The following PSG9 variants were observed in gnomAD, a reference collection of about 807,000 sequenced individuals.
The protein encoded by PSG9 is pregnancy-specific beta-1-glycoprotein 9.
PSG9 carries 49 observed loss-of-function variants against 41.9 expected under a neutral mutation model. The observed-to-expected ratio is 1.17, with a 90% CI of 0.93 to 1.48. PSG9 has a LOEUF of 1.48. Among genes scored for constraint, PSG9 ranks in the 40% most tolerant of loss-of-function variants. PSG9 has a pLI of 0.00. For synonymous variants in PSG9, 263 were observed against 196.8 expected, an observed-to-expected ratio of 1.34 and a Z score of -2.82; for missense variants, 641 against 520.3, an observed-to-expected ratio of 1.23 and a Z score of -2.26.
intron 1 of PSG9, 115 bp from the exon 2 acceptor site, chr19:43,268,264 G>C: frequency 7.3e-7 from 1 of 1,367,206 alleles, no homozygotes; most frequent in Non-Finnish European, 9.9e-7. Flanking sequence ...ATACACACAC[G>C]CACACATACA....
chr19:43,254,815 CA>C (rs1297283777), intron 5 of PSG9, among the ~76,000 whole-genome samples: 1 of 145,538 alleles, frequency 6.9e-6, no homozygotes, highest in East Asian at 2.4e-4. Flanking sequence ...GGACTCTGAG[CA>C]TGGTGGGTCA....
Position 43,258,183 on chromosome 19 carries a change from G to A in PSG9, c.1243+19C>T. On this transcript the variant is annotated intron_variant, in intron 5 of 5. Coordinates refer to ENST00000270077, the MANE Select transcript of PSG9 (RefSeq NM_002784.5). The stretch of plus-strand genomic sequence containing the variant: ...CTCCACATAAAACCCTACTGCCAAG[G>A]ATGCTGGGATCCACTTACCAGAGAC... 6.3e-7 allele frequency: 1 copy of A among 1,592,552 alleles called. No individual in the cohort carries two copies. Among genetic ancestry groups the A allele is most frequent in the Non-Finnish European group, 8.5e-7 (1 of 1,174,444 alleles).
In PSG9 at chr19:43,259,122, G is replaced by C. The variant is rs4028445; in HGVS notation, c.723C>G (p.Ile241Met). Residue 241 changes from isoleucine (I) to methionine (M), a missense_variant, in exon 4 of 6, where the codon ATC (isoleucine) becomes ATG (methionine). Coordinates refer to ENST00000270077, the MANE Select transcript of PSG9 (RefSeq NM_002784.5). ...VTLNLLPKLP[I>M]PYITINNLNP... ...TTAAGTTGTTGATGGTGATGTAGGG[G>C]ATGGGCAGCTTCGCTGTGTGGATAA... 4.1e-5 allele frequency: 66 copies of C among 1,590,518 alleles called. 7 individuals carry two copies. Among genetic ancestry groups the C allele is most frequent in the East Asian group, 1.1e-4 (4 of 37,538 alleles).
rs150722680 is a variant in PSG9, at chr19:43,253,461, A to C, written c.*148T>G. 533 of 436,604 alleles carry C rather than the reference A, an allele frequency of 1.2e-3. 67 individuals carry two copies. Among genetic ancestry groups the C allele is most frequent in the African/African-American group, 0.01 (474 of 45,382 alleles). 27.0% of individuals were successfully genotyped at this position (436,604 alleles called of 1,614,324 possible). On this transcript the variant is annotated 3_prime_UTR_variant, in exon 6 of 6. Coordinates refer to ENST00000270077, the MANE Select transcript of PSG9 (RefSeq NM_002784.5). ...CATAAATCTGGAGAATAAAACATTC[A>C]AAGAATCAGCACATTTTCCAATAAA...
chr19:43,267,916 T>A lies in PSG9; in HGVS notation c.298A>T (p.Thr100Ser). Reference protein sequence around the residue: ...IYGPAYSGRETVYSNASLLIQ... With the variant: ...IYGPAYSGRESVYSNASLLIQ... ...AGCAGGGATGCGTTGGAATATACTG[T>A]TTCTCTTCCACTGTATGCAGGCCCA... The change falls in exon 2 of 6, where the codon ACA becomes TCA. Residue 100 changes from threonine to serine, a missense_variant. Coordinates refer to ENST00000270077, the MANE Select transcript of PSG9 (RefSeq NM_002784.5). 6.2e-7 allele frequency: 1 copy of A among 1,613,840 alleles called. No homozygotes were observed. The highest frequency in any genetic ancestry group is 8.5e-7 in the Non-Finnish European group (1 of 1,179,780).
intron 5 of PSG9, among the ~76,000 whole-genome samples, chr19:43,256,601 C>T (rs1352709666): frequency 6.8e-6 from 1 of 146,446 alleles, no homozygotes; most frequent in Non-Finnish European, 1.5e-5. Context: ...CTCAGCATCA[C>T]GAATACCTGG....
chr19:43,262,329 A>G (rs1968764360), intron 2 of PSG9, among the ~76,000 whole-genome samples, 191 bp from the exon 3 acceptor site: 1 of 152,088 alleles, frequency 6.6e-6, no homozygotes, highest in African/African-American at 2.4e-5. Flanking sequence ...TGCCTGCTTT[A>G]TGTGGGAGAA....
At chr19:43,267,456 C>A (rs1311569322) in intron 2 of PSG9, among the ~76,000 whole-genome samples, 1 of 152,168 alleles carries the variant, frequency 6.6e-6, no homozygotes, top group African/African-American at 2.4e-5. Context: ...AAGCCAAGCC[C>A]TACTCAGTTC....
intron 3 of PSG9, 61 bp downstream of exon 3, chr19:43,261,799 G>A: frequency 1.9e-6 from 3 of 1,613,960 alleles, no homozygotes; most frequent in Admixed American, 1.7e-5. Context: ...GAGAGGCCTG[G>A]CCTCTGGCCA....
intron 2 of PSG9, among the ~76,000 whole-genome samples, chr19:43,262,440 C>T (rs746419677): frequency 6.6e-6 from 1 of 152,172 alleles, no homozygotes; most frequent in Non-Finnish European, 1.5e-5. Context: ...GTCCCTCCGT[C>T]TCCAACTGCC....
chr19:43,261,176 C>T (rs552057161), intron 3 of PSG9, among the ~76,000 whole-genome samples: 3 of 152,140 alleles, frequency 2.0e-5, no homozygotes, highest in Non-Finnish European at 4.4e-5. Context: ...CACTGGAAAA[C>T]ATAGTGCCAG....
chr19:43,259,103 T>A lies in PSG9; in HGVS notation c.742A>T (p.Asn248Tyr). The A allele has an allele frequency of 1.3e-6, 2 of 1,590,436 alleles. 1 individual carries two copies. The highest frequency in any genetic ancestry group is 2.2e-5 in the South Asian group (2 of 89,858). The change falls in exon 4 of 6, where the codon AAC (asparagine) becomes TAC (tyrosine). Residue 248 changes from asparagine (N) to tyrosine (Y), a missense_variant. Transcript: ENST00000270077. ...TCCTTATTCTCCCTGGGGTTTAAGT[T>A]GTTGATGGTGATGTAGGGGATGGGC... ...KLPIPYITIN[N>Y]LNPRENKDVL...
Position 43,261,981 on chromosome 19 carries a change from G to C in PSG9, c.588C>G (p.Ser196=). ...ATAGATAGAGGGTCCTGTTGGTTTT[G>C]GACAGCTGCAACCTGTGAGTCACAG... The part of the protein sequence containing the change: ...SLPVTHRLQL[S]KTNRTLYLFG... The change falls in exon 3 of 6, where the codon TCC becomes TCG. Residue 196 remains serine (S), a synonymous_variant. Coordinates refer to ENST00000270077, the MANE Select transcript of PSG9 (RefSeq NM_002784.5). 1 of 1,614,008 alleles carries C rather than the reference G, an allele frequency of 6.2e-7. No individual in the cohort carries two copies. Among genetic ancestry groups the C allele is most frequent in the Non-Finnish European group, 8.5e-7 (1 of 1,179,932 alleles).
intron 2 of PSG9, among the ~76,000 whole-genome samples, chr19:43,262,687 G>A (rs1287488098): frequency 6.6e-6 from 1 of 152,170 alleles, no homozygotes; most frequent in Non-Finnish European, 1.5e-5. Context: ...CAAGCCGGGA[G>A]GTCAGTTAAG....
At chr19:43,266,831 T>G (rs1471092443) in intron 2 of PSG9, among the ~76,000 whole-genome samples, 5 of 152,088 alleles carry the variant, frequency 3.3e-5, no homozygotes, top group Non-Finnish European at 7.4e-5. Flanking sequence ...CCTTTGTGTT[T>G]GTGTGACTCT....
At chr19:43,267,670 T>C (rs1253359701) in intron 2 of PSG9, 114 bp downstream of exon 2, 2 of 1,540,476 alleles carry the variant, frequency 1.3e-6, no homozygotes, top group Middle Eastern at 1.7e-4. Flanking sequence ...AACCCCAGCA[T>C]GGGACATAAT....
Position 43,261,853 on chromosome 19 carries a change from T to C in PSG9, c.709+7A>G, listed in dbSNP as rs1355241661. 14 of 1,613,928 alleles carry C rather than the reference T, an allele frequency of 8.7e-6. 1 individual carries two copies. Among genetic ancestry groups the C allele is most frequent in the African/African-American group, 1.3e-5 (1 of 74,908 alleles). On this transcript the variant is annotated splice_region_variant and intron_variant, in intron 3 of 5. Transcript: ENST00000270077. ...GCCTGGCTCACAGAGGAACAGAAGA[T>C]ACTCACGGAGGAGATTCAGGGTGAC...
rs1169687151 is a variant in PSG9, at chr19:43,267,318, C to A, written c.430+466G>T. 2.6e-5 allele frequency among the ~76,000 whole-genome samples: 4 copies of A among 152,136 alleles called. 1 individual carries two copies. Among genetic ancestry groups the A allele is most frequent in the Non-Finnish European group, 5.9e-5 (4 of 68,018 alleles). ...AAATTCTTGGTCCCAGTAAGGCCTG[C>A]CCAAGAAGCCACAACCCAGCACTGG... On this transcript the variant is annotated intron_variant, in intron 2 of 5. Transcript: ENST00000270077.
Position 43,259,620 on chromosome 19 carries a change from T to G in PSG9, c.710-485A>C, listed in dbSNP as rs368577402. 83 of 161,444 alleles carry G rather than the reference T, an allele frequency of 5.1e-4. 7 individuals are homozygous for G. Among genetic ancestry groups the G allele is most frequent in the South Asian group, 4.8e-3 (30 of 6,282 alleles). 10.0% of individuals were successfully genotyped at this position (161,444 alleles called of 1,614,324 possible). ...ATTGTCCTGAGACCCTGAAGATACT[T>G]AGCAGCCTGGCCTGGGACTGGATGT... On this transcript the variant is annotated intron_variant, in intron 3 of 5. Transcript: ENST00000270077.
Sources: allele counts gnomAD v4.1 joint callset (sites outside exome capture counted in the v4.1 genomes callset), GRCh38; gene constraint gnomAD v4.1.1; transcripts MANE v1.5; gene names NCBI Gene and HGNC (gene_info 2026-07-23, HGNC 2026-07-21).